Variants in DCC observed in about 807,000 individuals in gnomAD.
DCC encodes the protein DCC netrin 1 receptor.
DCC carries 58 observed loss-of-function variants against 172.5 expected under a neutral mutation model. The ratio of observed to expected loss-of-function variants is 0.34; its 90% CI spans 0.27 to 0.42. The LOEUF (loss-of-function observed/expected upper bound fraction) is 0.42. Among genes scored for constraint, DCC ranks in the 10% least tolerant of loss-of-function variants. The pLI, the probability that DCC is intolerant of heterozygous loss-of-function variation, is 1.00. For missense variants in DCC, 1,740 were observed against 1,791.0 expected (o/e 0.97, Z 0.51); for synonymous variants, 709 against 644.5 (o/e 1.10, Z -1.52).
chr18:53,144,718 G>A (rs1018684567), intron 7 of DCC, among the ~76,000 whole-genome samples: 23 of 152,050 alleles, frequency 1.5e-4, no homozygotes, highest in African/African-American at 5.6e-4. Context: ...ATAGTAAGGT[G>A]GTGAAATAGT....
chr18:53,435,034 G>T, intron 21 of DCC, 110 bp from the exon 22 acceptor site: 1 of 833,506 alleles, frequency 1.2e-6, no homozygotes, highest in Non-Finnish European at 2.1e-6. Context: ...CTTTCTTGGG[G>T]GTGATCAAAG....
rs528353274 is a variant in DCC, at chr18:53,409,650, T to C, written c.2936-802T>C. Reference sequence around the variant, plus strand: ...ATGTGACAGGAATCCATGAATTTGTTCGGGTGCATATTAGACTATCATGAC... The same window carrying C: ...ATGTGACAGGAATCCATGAATTTGTCCGGGTGCATATTAGACTATCATGAC... On this transcript the variant is annotated intron_variant, in intron 19 of 28. Transcript: ENST00000442544. 9.2e-5 allele frequency among the ~76,000 whole-genome samples: 14 copies of C among 152,296 alleles called. No individual in the cohort carries two copies. In the South Asian group the frequency reaches 2.5e-3, roughly 27 times the overall value.
chr18:53,205,232 A>G lies in DCC; in HGVS notation c.1590A>G (p.Pro530=), dbSNP rs1325991983. 1.9e-6 allele frequency: 3 copies of G among 1,613,236 alleles called. No individual in the cohort carries two copies. The highest frequency in any genetic ancestry group is 4.5e-5 in the East Asian group (2 of 44,874). Residue 530 remains proline (P), a synonymous_variant, in exon 10 of 29, where the codon CCA becomes CCG. Transcript: ENST00000442544. The part of the protein sequence containing the change: ...ATQPELQVPG[P]VENLQAVSTS... ...TTTATACAGTGCAAGTTCCAGGGCCAGTAGAAAACCTGCAAGCTGTATCTA... is the reference window on the plus strand; with the variant it reads ...TTTATACAGTGCAAGTTCCAGGGCCGGTAGAAAACCTGCAAGCTGTATCTA...
At chr18:53,168,637 T>C (rs568194804) in intron 8 of DCC, among the ~76,000 whole-genome samples, 1 of 151,870 alleles carries the variant, frequency 6.6e-6, no homozygotes, top group East Asian at 1.9e-4. Flanking sequence ...GGTTGATGGG[T>C]GCAGCAAACC....
At chr18:52,818,617 C>T (rs62083307) in intron 2 of DCC, among the ~76,000 whole-genome samples, 24 of 151,960 alleles carry the variant, frequency 1.6e-4, no homozygotes, top group Non-Finnish European at 2.9e-4. Flanking sequence ...ATAAGGAACC[C>T]AAAACAGGTG....
At chr18:53,304,806 A>G (rs6508220) in intron 12 of DCC, among the ~76,000 whole-genome samples, 88,018 of 152,020 alleles carry the variant, frequency 0.58, 26,818 homozygotes, top group African/African-American at 0.74. Context: ...TGTCTCTTAA[A>G]AACGTATTTA....
At chr18:53,223,849 C>T (rs2055980272) in intron 12 of DCC, among the ~76,000 whole-genome samples, 1 of 152,180 alleles carries the variant, frequency 6.6e-6, no homozygotes. Context: ...TCTAGACACA[C>T]ATTCAATGAA....
chr18:53,299,077 T>C (rs1332561960), intron 12 of DCC, among the ~76,000 whole-genome samples: 2 of 152,230 alleles, frequency 1.3e-5, no homozygotes, highest in African/African-American at 4.8e-5. Flanking sequence ...TTAATTCTGG[T>C]TTTCTTTCCT....
intron 11 of DCC, among the ~76,000 whole-genome samples, chr18:53,213,057 C>T (rs2055783163): frequency 6.6e-6 from 1 of 152,100 alleles, no homozygotes; most frequent in Admixed American, 6.6e-5. Flanking sequence ...ATATATCTAT[C>T]CTCTTAAAGT....
At chr18:52,543,432 T>C (rs917737841) in intron 1 of DCC, among the ~76,000 whole-genome samples, 1 of 152,236 alleles carries the variant, frequency 6.6e-6, no homozygotes, top group Non-Finnish European at 1.5e-5. Flanking sequence ...TTGTGTCTAA[T>C]TCGTGCTGTA....
At chr18:52,776,572 T>G in intron 2 of DCC, among the ~76,000 whole-genome samples, 1 of 152,226 alleles carries the variant, frequency 6.6e-6, no homozygotes, top group Non-Finnish European at 1.5e-5. Context: ...ATAACATCCC[T>G]GAGAGATCTT....
At chr18:53,129,152 G>A (rs929043714) in intron 7 of DCC, among the ~76,000 whole-genome samples, 1 of 151,804 alleles carries the variant, frequency 6.6e-6, no homozygotes, top group African/African-American at 2.4e-5. Context: ...CTCCCAAAGT[G>A]CTAGTATTAT....
intron 5 of DCC, among the ~76,000 whole-genome samples, chr18:53,059,842 G>C (rs998340395): frequency 1.3e-5 from 2 of 152,002 alleles, no homozygotes; most frequent in Non-Finnish European, 2.9e-5. Context: ...TTTTTTATTG[G>C]CATCAGTAGC....
At chr18:52,599,634 C>T (rs1248677293) in intron 1 of DCC, among the ~76,000 whole-genome samples, 10 of 152,192 alleles carry the variant, frequency 6.6e-5, no homozygotes, top group Middle Eastern at 3.4e-3. Context: ...CCTGCCTCAG[C>T]CTCCTGAGTA....
chr18:52,821,687 ACTT>A (rs751862326), intron 2 of DCC, among the ~76,000 whole-genome samples: 1 of 152,180 alleles, frequency 6.6e-6, no homozygotes, highest in Non-Finnish European at 1.5e-5. Flanking sequence ...CTAGCTGAGT[ACTT>A]CTTTATTGGA....
chr18:52,756,275 C>A (rs183730900), intron 2 of DCC, among the ~76,000 whole-genome samples: 6 of 152,308 alleles, frequency 3.9e-5, no homozygotes, highest in Non-Finnish European at 1.5e-5. Context: ...ATCTATGAAG[C>A]TTTCCTACCA....
intron 1 of DCC, among the ~76,000 whole-genome samples, chr18:52,672,047 A>G (rs147795523): frequency 8.7e-4 from 132 of 152,254 alleles, no homozygotes; most frequent in African/African-American, 3.0e-3. Flanking sequence ...GGCATAACCA[A>G]TCAGTTTAGG....
chr18:53,483,544 A>G (rs946613077), intron 25 of DCC, among the ~76,000 whole-genome samples: 1 of 151,900 alleles, frequency 6.6e-6, no homozygotes, highest in Non-Finnish European at 1.5e-5. Flanking sequence ...ATAGAAGTTA[A>G]CACCACTCAT....
intron 2 of DCC, among the ~76,000 whole-genome samples, chr18:52,857,795 G>A (rs780915375): frequency 6.6e-6 from 1 of 152,140 alleles, no homozygotes; most frequent in Admixed American, 6.5e-5. Flanking sequence ...GAAAAAGGTC[G>A]CTGTCAGTCT....
Sources: gnomAD v4.1 joint callset for allele counts (sites outside exome capture counted in the v4.1 genomes callset) on GRCh38, gnomAD v4.1.1 for gene constraint, MANE v1.5 for transcripts, NCBI Gene and HGNC (gene_info 2026-07-23, HGNC 2026-07-21) for gene names.